The following STK4 variants were observed in gnomAD, a reference collection of about 807,000 sequenced individuals.
STK4 encodes serine/threonine-protein kinase 4.
A neutral mutation model predicts 64.9 loss-of-function variants in STK4; 30 were observed. The ratio of observed to expected loss-of-function variants is 0.46; its 90% CI spans 0.35 to 0.63. The LOEUF (loss-of-function observed/expected upper bound fraction) is 0.63. Among genes scored for constraint, STK4 ranks in the 20% least tolerant of loss-of-function variants. The probability of loss-of-function intolerance (pLI) is 0.01; values close to 1 mark genes in which losing one functional copy is unlikely to be tolerated. For missense variants in STK4, 466 were observed against 598.5 expected, an observed-to-expected ratio of 0.78 and a Z score of 2.31; for synonymous variants, 177 against 199.0, an observed-to-expected ratio of 0.89 and a Z score of 0.93.
At chr20:44,995,603 C>T (rs2067714066) in intron 6 of STK4, among the ~76,000 whole-genome samples, 2 of 60,608 alleles carry the variant, frequency 3.3e-5, no homozygotes, top group Non-Finnish European at 5.3e-5. Context: ...GAGACTCCAT[C>T]TCAAAAAAAA....
At chr20:45,036,100 T>G (rs1044379860) in intron 10 of STK4, among the ~76,000 whole-genome samples, 7 of 152,214 alleles carry the variant, frequency 4.6e-5, no homozygotes, top group African/African-American at 7.2e-5. Flanking sequence ...AGATTTTAAT[T>G]AAGTGTTCTC....
chr20:44,972,294 T>G lies in STK4; in HGVS notation c.116+136T>G, dbSNP rs900918872. The stretch of plus-strand genomic sequence containing the variant: ...AAATTTACAGCTTGTGATGTCCTTC[T>G]TCGCTTTACTCCAATCCCTATTATA... On this transcript the variant is annotated intron_variant, in intron 2 of 10. Transcript: ENST00000372806. The G allele has an allele frequency of 1.1e-5, 8 of 722,036 alleles. No individual in the cohort carries two copies. In the East Asian group the frequency reaches 1.3e-4, roughly 12 times the overall value. 44.7% of individuals were successfully genotyped at this position (722,036 alleles called of 1,614,324 possible).
rs2068076609 is a variant in STK4, at chr20:45,012,866, C to T, written c.1147+11513C>T. On this transcript the variant is annotated intron_variant, in intron 9 of 10. Coordinates refer to ENST00000372806, the MANE Select transcript of STK4 (RefSeq NM_006282.5). ...TGGCGCGATCCTAGCTCACTGCAGC[C>T]TTGAATTCCTGGGGCCAAGCAATCC... Among the ~76,000 whole-genome samples, 4 of 146,956 alleles carry T rather than the reference C, an allele frequency of 2.7e-5. No individual in the cohort carries two copies. In the Admixed American group the frequency reaches 2.7e-4, roughly 10 times the overall value.
chr20:44,984,461 C>G (rs1017229527), intron 4 of STK4, among the ~76,000 whole-genome samples: 2 of 152,044 alleles, frequency 1.3e-5, no homozygotes, highest in African/African-American at 4.8e-5. Context: ...CTCGGCCTCC[C>G]AAAGTGCTGG....
intron 4 of STK4, among the ~76,000 whole-genome samples, chr20:44,985,005 A>G (rs1044817346): frequency 6.6e-6 from 1 of 152,080 alleles, no homozygotes; most frequent in African/African-American, 2.4e-5. Flanking sequence ...TTCCCATTAT[A>G]TTTCTATTAG....
intron 4 of STK4, among the ~76,000 whole-genome samples, chr20:44,982,556 G>A (rs1412799173): frequency 6.6e-6 from 1 of 151,942 alleles, no homozygotes; most frequent in Non-Finnish European, 1.5e-5. Context: ...GTTTAAATTT[G>A]GATTTGGATT....
intron 1 of STK4, 31 bp downstream of exon 1, chr20:44,966,634 T>TG: frequency 1.6e-6 from 2 of 1,268,084 alleles, no homozygotes; most frequent in Admixed American, 4.2e-5. Flanking sequence ...AGGACGGGCA[T>TG]GGGGTCAGGG....
At position 45,075,069 on chromosome 20, in the gene STK4, C is replaced by G; in HGVS notation, c.1357C>G (p.Pro453Ala). 2.5e-6 allele frequency: 4 copies of G among 1,614,148 alleles called. No individual in the cohort carries two copies. The highest frequency in any genetic ancestry group is 3.4e-6 in the Non-Finnish European group (4 of 1,180,026). ...DLQKRLLALD[P>A]MMEQEIEEIR... ...TCAGAAGAGGCTCTTGGCCCTGGAC[C>G]CCATGATGGAGCAGGAGATTGAAGA... Residue 453 changes from proline to alanine, a missense_variant, in exon 11 of 11, where the codon CCC (proline) becomes GCC (alanine). Around this residue, in one of 2 missense-constraint regions of STK4, gnomAD observed 276 missense variants for 308.9 expected, o/e 0.89. Transcript: ENST00000372806.
At chr20:44,995,321 T>G in intron 6 of STK4, 64 bp downstream of exon 6, 2 of 1,534,042 alleles carry the variant, frequency 1.3e-6, no homozygotes, top group Non-Finnish European at 1.8e-6. Context: ...AAAGTGAAGT[T>G]CAAGCCAGGT....
At position 44,995,514 on chromosome 20, in the gene STK4, G is replaced by C. The variant is rs533926329; in HGVS notation, c.693+257G>C. On this transcript the variant is annotated intron_variant, in intron 6 of 10. Transcript: ENST00000372806. The stretch of plus-strand genomic sequence containing the variant: ...CCAGCTGCTTGGGAGACTGAGGCAT[G>C]AGAATCACTTGAACCCCAGAGGCAG... Among the ~76,000 whole-genome samples, 6 of 145,510 alleles carry C rather than the reference G, an allele frequency of 4.1e-5. No individual in the cohort carries two copies. The South Asian group carries it at 1.3e-3, about 32-fold the overall frequency.
chr20:45,030,494 A>G (rs2145397224), intron 10 of STK4, among the ~76,000 whole-genome samples: 1 of 152,334 alleles, frequency 6.6e-6, no homozygotes, highest in African/African-American at 2.4e-5. Context: ...TATGAAGAGA[A>G]TTGCTGCTTT....
Position 44,996,331 on chromosome 20 carries a change from AC to A in STK4, c.694-831del, listed in dbSNP as rs143150055. ...CTTCATCACAGCACTGTTGTAATACACCCCCCCGCCAACCCTGCCTTCCTCA... is the reference window on the plus strand; with the variant it reads ...CTTCATCACAGCACTGTTGTAATACACCCCCCGCCAACCCTGCCTTCCTCA... On this transcript the variant is annotated intron_variant, in intron 6 of 10. Transcript: ENST00000372806. Among the ~76,000 whole-genome samples, 1,295 of 150,182 alleles carry A rather than the reference AC, an allele frequency of 8.6e-3. 19 individuals carry two copies. The highest frequency in any genetic ancestry group is 0.03 in the African/African-American group (1,244 of 40,870).
chr20:45,056,237 A>G (rs1978472950), intron 10 of STK4, among the ~76,000 whole-genome samples: 2 of 152,224 alleles, frequency 1.3e-5, no homozygotes. Flanking sequence ...AAATACCACC[A>G]TAATCAAGCT....
chr20:44,981,793 C>A, intron 3 of STK4, 36 bp from the exon 4 acceptor site: 3 of 1,267,888 alleles, frequency 2.4e-6, no homozygotes, highest in Non-Finnish European at 3.5e-6. Flanking sequence ...TATTTGAAGG[C>A]CATTTTATTA....
rs567838230 is a variant in STK4 at position 44,995,143 on chromosome 20, A to G, written c.579A>G (p.Pro193=). 1.2e-6 allele frequency: 2 copies of G among 1,614,018 alleles called. No homozygotes were observed. The highest frequency in any genetic ancestry group is 3.3e-5 in the Admixed American group (2 of 60,002). Residue 193 remains proline, a synonymous_variant, in exon 6 of 11, where the codon CCA becomes CCG. Transcript: ENST00000372806. ...TVIGTPFWMA[P]EVIQEIGYNC... Reference sequence around the variant, plus strand: ...TAGGAACACCATTTTGGATGGCTCCAGAAGTGATTCAGGAAATTGGATACA... The same window carrying G: ...TAGGAACACCATTTTGGATGGCTCCGGAAGTGATTCAGGAAATTGGATACA...
chr20:45,005,541 G>A (rs1443561583), intron 9 of STK4, among the ~76,000 whole-genome samples: 1 of 151,578 alleles, frequency 6.6e-6, no homozygotes, highest in Non-Finnish European at 1.5e-5. Context: ...CTAGCTACTC[G>A]GGAGGCTAAG....
At chr20:45,045,691 A>C (rs2068682614) in intron 10 of STK4, among the ~76,000 whole-genome samples, 1 of 152,180 alleles carries the variant, frequency 6.6e-6, no homozygotes, top group Non-Finnish European at 1.5e-5. Flanking sequence ...TTATGCAAAC[A>C]ATTCTTATTG....
Position 44,980,326 on chromosome 20 carries a change from A to G in STK4, c.246-1503A>G, listed in dbSNP as rs549196399. Among the ~76,000 whole-genome samples the G allele has an allele frequency of 4.6e-5, 7 of 152,296 alleles. No individual in the cohort carries two copies. The South Asian group carries it at 1.2e-3, about 27-fold the overall frequency. ...TCACTGGCATGTTTCCTAAGGTTTG[A>G]AGAGGAAATTGTAAGAGTTCTGAGT... On this transcript the variant is annotated intron_variant, in intron 3 of 10. Transcript: ENST00000372806.
intron 9 of STK4, among the ~76,000 whole-genome samples, chr20:45,005,540 C>T (rs564221891): frequency 1.1e-4 from 16 of 148,272 alleles, no homozygotes; most frequent in South Asian, 4.4e-4. Flanking sequence ...CCTAGCTACT[C>T]GGGAGGCTAA....
Sources: gnomAD v4.1 joint callset for allele counts (sites outside exome capture counted in the v4.1 genomes callset) on GRCh38, gnomAD v4.1.1 for gene constraint, gnomAD v4.1.1 regional missense constraint, MANE v1.5 for transcripts, NCBI Gene and HGNC (gene_info 2026-07-23, HGNC 2026-07-21) for gene names.